The following TENM2 variants were observed in gnomAD, a reference collection of about 807,000 sequenced individuals.
The protein encoded by TENM2 is teneurin transmembrane protein 2.
In TENM2, 52 loss-of-function variants were observed where a neutral mutation model predicts 245.2. The ratio of observed to expected loss-of-function variants is 0.21; its 90% CI spans 0.17 to 0.27. TENM2 has a LOEUF of 0.27. Among genes scored for constraint, TENM2 ranks in the 10% least tolerant of loss-of-function variants. TENM2 has a pLI of 1.00. For synonymous variants in TENM2, 1,363 were observed against 1,438.9 expected (o/e 0.95, Z 1.19); for missense variants, 3,046 against 3,666.8 (o/e 0.83, Z 4.37).
Position 167,311,430 on chromosome 5 carries a change from T to C in TENM2, c.226+26367T>C, listed in dbSNP as rs564099796. 1.7e-4 allele frequency among the ~76,000 whole-genome samples: 26 copies of C among 152,344 alleles called. No homozygotes were observed. In the South Asian group the frequency reaches 5.2e-3, roughly 30 times the overall value. ...GAATGTATTTTCAAAATTGGAATTA[T>C]ATGTGCTATTTATATACTACTCTGT... On this transcript the variant is annotated intron_variant, in intron 1 of 28. Coordinates refer to ENST00000518659, the Ensembl canonical transcript of TENM2.
chr5:167,593,804 T>G (rs371182656), intron 2 of TENM2, among the ~76,000 whole-genome samples: 1 of 152,178 alleles, frequency 6.6e-6, no homozygotes. Context: ...TAAACCACCA[T>G]TGTGGATCTT....
chr5:167,058,227 A>G, the TENM2 span, among the ~76,000 whole-genome samples: 13 of 152,124 alleles, frequency 8.5e-5, no homozygotes, highest in African/African-American at 3.1e-4. Context: ...AAGGGTCAGT[A>G]TTGAAGTTTT....
At chr5:167,587,770 A>G (rs2127698519) in intron 2 of TENM2, among the ~76,000 whole-genome samples, 1 of 152,354 alleles carries the variant, frequency 6.6e-6, no homozygotes, top group African/African-American at 2.4e-5. Context: ...CGAACATCAG[A>G]TTACTTCTCA....
chr5:168,204,544 GA>G lies in TENM2; in HGVS notation c.3748del (p.Ser1250AlafsTer19). 1 of 1,614,034 alleles carries G rather than the reference GA, an allele frequency of 6.2e-7. No homozygotes were observed. The highest frequency in any genetic ancestry group is 8.5e-7 in the Non-Finnish European group (1 of 1,179,906). On this transcript the variant is annotated frameshift_variant, in exon 19 of 29. Coordinates refer to ENST00000518659, the Ensembl canonical transcript of TENM2. LOFTEE classifies it high-confidence loss of function. Reference sequence around the variant, plus strand: ...TGGCTCTGGCTGTTGGAATCGATGGGAGCCTCTATGTGGGTGACTTCAATTA... The same window carrying G: ...TGGCTCTGGCTGTTGGAATCGATGGGGCCTCTATGTGGGTGACTTCAATTA...
At chr5:167,005,979 C>T in the TENM2 span, among the ~76,000 whole-genome samples, 1 of 151,862 alleles carries the variant, frequency 6.6e-6, no homozygotes, top group African/African-American at 2.4e-5. Flanking sequence ...GTTTTAACTG[C>T]TGAAGTCTTG....
At position 167,988,726 on chromosome 5, in the gene TENM2, C is replaced by G. The variant is rs546574918; in HGVS notation, c.948-4218C>G. The stretch of plus-strand genomic sequence containing the variant: ...GGCAGATCATGCAGAGAGTTGAAGG[C>G]CATGAGAAAGACACCTGATTTTATT... On this transcript the variant is annotated intron_variant, in intron 4 of 28. Coordinates refer to ENST00000518659, the Ensembl canonical transcript of TENM2. 4.6e-5 allele frequency among the ~76,000 whole-genome samples: 7 copies of G among 152,214 alleles called. No homozygotes were observed. In the East Asian group the frequency reaches 1.4e-3, roughly 29 times the overall value.
At chr5:167,537,276 G>C (rs1313872952) in intron 2 of TENM2, among the ~76,000 whole-genome samples, 5 of 146,602 alleles carry the variant, frequency 3.4e-5, no homozygotes, top group African/African-American at 7.5e-5. Flanking sequence ...AAAGCCAGTT[G>C]GTTTTTTCAG....
the TENM2 span, among the ~76,000 whole-genome samples, chr5:167,058,833 A>C: frequency 8.5e-5 from 13 of 152,332 alleles, no homozygotes; most frequent in Non-Finnish European, 1.6e-4. Context: ...CTTACTTTCC[A>C]GACCATTTAA....
At position 168,037,508 on chromosome 5, in the gene TENM2, G is replaced by T. The variant is rs186220135; in HGVS notation, c.1187-9919G>T. Among the ~76,000 whole-genome samples, 24 of 145,430 alleles carry T rather than the reference G, an allele frequency of 1.7e-4. No homozygotes were observed. In the East Asian group the frequency reaches 4.1e-3, roughly 25 times the overall value. ...ATTTGTCATAGAAACTCAATTTAATGAATTTAGGATCAGAAAGGACCATAA... is the reference window on the plus strand; with the variant it reads ...ATTTGTCATAGAAACTCAATTTAATTAATTTAGGATCAGAAAGGACCATAA... On this transcript the variant is annotated intron_variant, in intron 5 of 28. Transcript: ENST00000518659.
In TENM2 at chr5:168,089,543, T is replaced by A. The variant is rs77328460; in HGVS notation, c.1516-1031T>A. On this transcript the variant is annotated intron_variant, in intron 7 of 28. Coordinates refer to ENST00000518659, the Ensembl canonical transcript of TENM2. Reference sequence around the variant, plus strand: ...GACCACTCTGTCTCTCATTAATCACTTCCATTTCTGAACCTGGTTTCCACT... The same window carrying A: ...GACCACTCTGTCTCTCATTAATCACATCCATTTCTGAACCTGGTTTCCACT... Among the ~76,000 whole-genome samples, 173 of 152,314 alleles carry A rather than the reference T, an allele frequency of 1.1e-3. 1 individual carries two copies. Among genetic ancestry groups the A allele is most frequent in the East Asian group, 0.01 (54 of 5,176 alleles).
chr5:167,973,361 C>G (rs1218610514), intron 4 of TENM2, among the ~76,000 whole-genome samples: 2 of 152,148 alleles, frequency 1.3e-5, no homozygotes, highest in Non-Finnish European at 2.9e-5. Context: ...AATCCCATTA[C>G]CAGCTGTGTT....
chr5:168,031,082 A>G (rs1787104099), intron 5 of TENM2, among the ~76,000 whole-genome samples: 2 of 152,202 alleles, frequency 1.3e-5, no homozygotes, highest in Admixed American at 1.3e-4. Flanking sequence ...TCACATGTGC[A>G]TGAGGTATGT....
At chr5:167,045,150 ATGGACTTATT>A in the TENM2 span, among the ~76,000 whole-genome samples, 7 of 152,178 alleles carry the variant, frequency 4.6e-5, no homozygotes, top group Admixed American at 2.0e-4. Context: ...TACCATGGGT[ATGGACTTATT>A]TGGTGGGGAA....
chr5:167,917,802 T>G (rs2151618420), intron 3 of TENM2, among the ~76,000 whole-genome samples: 1 of 152,290 alleles, frequency 6.6e-6, no homozygotes, highest in Admixed American at 6.5e-5. Context: ...TTGATGGAGA[T>G]TCAAAGTGCG....
intron 13 of TENM2, among the ~76,000 whole-genome samples, chr5:168,182,300 G>T (rs551837697): frequency 6.6e-6 from 1 of 152,110 alleles, no homozygotes; most frequent in Non-Finnish European, 1.5e-5. Flanking sequence ...AAATGCAAAT[G>T]GAACAGTACC....
Position 168,149,430 on chromosome 5 carries a change from G to C in TENM2, c.2423-13181G>C, listed in dbSNP as rs550452175. 5.6e-4 allele frequency: 258 copies of C among 457,130 alleles called. 7 individuals carry two copies. The highest frequency in any genetic ancestry group is 3.8e-3 in the South Asian group (248 of 64,550). The allele number at this position is 457,130 out of a possible 1,614,324, so 28.3% of individuals were successfully genotyped here. ...GTTTGCTGCATCAACAGGGGTAGTT[G>C]GTGGGGAGTGCTGTTTATAGACTGT... On this transcript the variant is annotated intron_variant, in intron 12 of 28. Coordinates refer to ENST00000518659, the Ensembl canonical transcript of TENM2.
intron 25 of TENM2, chr5:168,231,111 G>A (rs1764850545): frequency 6.6e-6 from 1 of 152,178 alleles, no homozygotes; most frequent in African/African-American, 2.4e-5. Flanking sequence ...AAGCAGGCCT[G>A]GATACGGCAG....
chr5:168,222,153 A>G (rs1037222111), intron 23 of TENM2, among the ~76,000 whole-genome samples: 4 of 152,142 alleles, frequency 2.6e-5, no homozygotes, highest in African/African-American at 9.7e-5. Flanking sequence ...ACAGATAGAG[A>G]CTTATTTTGG....
chr5:167,216,200 A>G, the TENM2 span, among the ~76,000 whole-genome samples: 3 of 152,236 alleles, frequency 2.0e-5, no homozygotes, highest in East Asian at 3.9e-4. Flanking sequence ...CAAAGTCCCC[A>G]TTAGAACTCC....
Sources: allele counts gnomAD v4.1 joint callset (sites outside exome capture counted in the v4.1 genomes callset), GRCh38; gene constraint gnomAD v4.1.1; transcripts MANE v1.5; gene names NCBI Gene and HGNC (gene_info 2026-07-23, HGNC 2026-07-21).